SMOX: variants seen among roughly 807,000 people sequenced by gnomAD.
The protein encoded by SMOX is spermine oxidase.
Under a neutral mutation model 51.0 loss-of-function variants are expected in SMOX, and 22 were observed. That is an observed-to-expected ratio of 0.43 (90% confidence interval 0.31 to 0.62). The LOEUF (loss-of-function observed/expected upper bound fraction) is 0.62, where lower values mean the gene tolerates loss of function less well. Ranked by LOEUF, SMOX falls within the 20% of genes least tolerant of loss-of-function variation. The pLI, the probability that SMOX is intolerant of heterozygous loss-of-function variation, is 0.10. For missense variants in SMOX, 566 were observed against 777.7 expected, an observed-to-expected ratio of 0.73 and a Z score of 3.24; for synonymous variants, 282 against 307.8, an observed-to-expected ratio of 0.92 and a Z score of 0.88.
In SMOX at chr20:4,181,780, G is replaced by A; in HGVS notation, c.436-23G>A. The A allele has an allele frequency of 6.2e-7, 1 of 1,609,530 alleles. No homozygotes were observed. The highest frequency in any genetic ancestry group is 8.5e-7 in the Non-Finnish European group (1 of 1,177,474). Reference sequence around the variant, plus strand: ...ATGGAGGTGTGATGAGGTGTTTTCAGTCTCATGGGGTCTCTCTGGCAGGTC... The same window carrying A: ...ATGGAGGTGTGATGAGGTGTTTTCAATCTCATGGGGTCTCTCTGGCAGGTC... On this transcript the variant is annotated intron_variant, in intron 3 of 6. Coordinates refer to ENST00000305958, the MANE Select transcript of SMOX (RefSeq NM_175839.3). This position sits in a 1 kb window ranked among gnomAD's most constrained non-coding sequence, Gnocchi z 5.6.
Position 4,149,364 on chromosome 20 carries a change from A to G in SMOX, c.-27+387A>G, listed in dbSNP as rs1985610599. 6.6e-6 allele frequency among the ~76,000 whole-genome samples: 1 copy of G among 151,742 alleles called. No individual in the cohort carries two copies. Among genetic ancestry groups the G allele is most frequent in the African/African-American group, 2.4e-5 (1 of 41,336 alleles). On this transcript the variant is annotated intron_variant, in intron 1 of 6. Transcript: ENST00000305958. The surrounding 1 kb of genome is among the most constrained non-coding windows in gnomAD (Gnocchi z 6.0). Reference sequence around the variant, plus strand: ...CTGCAGGCGCGCTCCGTGGGCGCAGACAAAGCCGGGCGCGGACGCCCCGCG... The same window carrying G: ...CTGCAGGCGCGCTCCGTGGGCGCAGGCAAAGCCGGGCGCGGACGCCCCGCG...
In SMOX at chr20:4,153,030, T is replaced by C. The variant is rs771022774; in HGVS notation, c.-27+4053T>C. Among the ~76,000 whole-genome samples, 30 of 152,216 alleles carry C rather than the reference T, an allele frequency of 2.0e-4. No individual in the cohort carries two copies. Among genetic ancestry groups the C allele is most frequent in the Admixed American group, 5.9e-4 (9 of 15,288 alleles). ...CCGAGGGCTTCCTAAGAAGAGGCTT[T>C]TCCTGCCTCCCAGAGGTGCCTGGCC... On this transcript the variant is annotated intron_variant, in intron 1 of 6. Transcript: ENST00000305958. The surrounding 1 kb of genome is among the most constrained non-coding windows in gnomAD (Gnocchi z 4.4).
At chr20:4,185,478 G>A (rs1341555577) in intron 6 of SMOX, among the ~76,000 whole-genome samples, 3 of 142,218 alleles carry the variant, frequency 2.1e-5, no homozygotes, top group Non-Finnish European at 4.6e-5. Flanking sequence ...GCATGGTGGT[G>A]CACACCTGTA....
In SMOX at chr20:4,183,786, GT is replaced by G. The variant is rs1189555783; in HGVS notation, c.1530+133del. 12 of 1,014,906 alleles carry G rather than the reference GT, an allele frequency of 1.2e-5. No homozygotes were observed. Among genetic ancestry groups the G allele is most frequent in the Middle Eastern group, 3.3e-4 (1 of 3,062 alleles). The allele number at this position is 1,014,906 out of a possible 1,614,324, so 62.9% of individuals were successfully genotyped here. On this transcript the variant is annotated intron_variant, in intron 6 of 6. Coordinates refer to ENST00000305958, the MANE Select transcript of SMOX (RefSeq NM_175839.3). This position sits in a 1 kb window ranked among gnomAD's most constrained non-coding sequence, Gnocchi z 4.3. ...GTGAGGCAGGGATGGAGTAGCTTCTGTAATGAGAGAGAACACAAGGAAAAAA... is the reference window on the plus strand; with the variant it reads ...GTGAGGCAGGGATGGAGTAGCTTCTGAATGAGAGAGAACACAAGGAAAAAA...
intron 1 of SMOX, among the ~76,000 whole-genome samples, chr20:4,160,183 C>A (rs1986236930): frequency 6.6e-6 from 1 of 152,140 alleles, no homozygotes; most frequent in East Asian, 1.9e-4. Context: ...CCTGCAGGGA[C>A]CCCACTAAGC....
chr20:4,163,759 C>T (rs1292126524), intron 1 of SMOX, among the ~76,000 whole-genome samples: 1 of 152,132 alleles, frequency 6.6e-6, no homozygotes, highest in Non-Finnish European at 1.5e-5. Flanking sequence ...TGGGAGGGCT[C>T]AGTTCCGTGC....
At chr20:4,162,363 GGA>G (rs1337452176) in intron 1 of SMOX, among the ~76,000 whole-genome samples, 1 of 152,202 alleles carries the variant, frequency 6.6e-6, no homozygotes, top group Non-Finnish European at 1.5e-5. Flanking sequence ...GTGAGTTCCC[GGA>G]GAGAGAGAAA....
chr20:4,169,788 G>A (rs1006918315), intron 1 of SMOX, among the ~76,000 whole-genome samples: 3 of 152,138 alleles, frequency 2.0e-5, no homozygotes, highest in Non-Finnish European at 2.9e-5. Flanking sequence ...CACCCACCCC[G>A]AAATCACACA....
chr20:4,174,910 G>A, intron 1 of SMOX, 120 bp from the exon 2 acceptor site: 1 of 941,366 alleles, frequency 1.1e-6, no homozygotes, highest in Non-Finnish European at 1.6e-6. Flanking sequence ...GGAGGGAGAG[G>A]ACTCCAGGTC....
At position 4,177,298 on chromosome 20, in the gene SMOX, C is replaced by T; in HGVS notation, c.209-53C>T. ...AGGAAGGAGGGGGAAGCAGTGCTGG[C>T]CCTCTCTGGAGAAGTCCCTAAGCCT... On this transcript the variant is annotated intron_variant, in intron 2 of 6. Coordinates refer to ENST00000305958, the MANE Select transcript of SMOX (RefSeq NM_175839.3). This position sits in a 1 kb window ranked among gnomAD's most constrained non-coding sequence, Gnocchi z 4.3. 2 of 1,465,220 alleles carry T rather than the reference C, an allele frequency of 1.4e-6. No homozygotes were observed. The highest frequency in any genetic ancestry group is 2.4e-5 in the South Asian group (2 of 81,786). 90.8% of individuals were successfully genotyped at this position (1,465,220 alleles called of 1,614,324 possible).
At chr20:4,171,856 C>T (rs1430403748) in intron 1 of SMOX, 4 of 152,258 alleles carry the variant, frequency 2.6e-5, no homozygotes, top group Non-Finnish European at 5.9e-5. Flanking sequence ...AAAATGTTGA[C>T]AGTCTTGTGA....
At chr20:4,161,096 C>T (rs1301968476) in intron 1 of SMOX, among the ~76,000 whole-genome samples, 1 of 152,210 alleles carries the variant, frequency 6.6e-6, no homozygotes, top group Admixed American at 6.5e-5. Context: ...TCTCCTTCAC[C>T]CCAGAATTGT....
chr20:4,163,021 C>T (rs952489829), intron 1 of SMOX, among the ~76,000 whole-genome samples: 3 of 152,146 alleles, frequency 2.0e-5, no homozygotes, highest in Non-Finnish European at 2.9e-5. Context: ...TGGGCAGCAG[C>T]GGGGTGGAGG....
rs983903201 is a variant in SMOX, at chr20:4,172,028, G to A, written c.-26-3002G>A. On this transcript the variant is annotated intron_variant, in intron 1 of 6. Transcript: ENST00000305958. This position sits in a 1 kb window ranked among gnomAD's most constrained non-coding sequence, Gnocchi z 7.7. ...GCTTCCCAACGCTGGAGCTTATCTGGTCCCCTGGTTTTCAGAGGTGGTGCT... is the reference window on the plus strand; with the variant it reads ...GCTTCCCAACGCTGGAGCTTATCTGATCCCCTGGTTTTCAGAGGTGGTGCT... 2 of 152,446 alleles carry A rather than the reference G, an allele frequency of 1.3e-5. No individual in the cohort carries two copies. Among genetic ancestry groups the A allele is most frequent in the Admixed American group, 1.3e-4 (2 of 15,288 alleles). The allele number at this position is 152,446 out of a possible 1,614,324, so 9.4% of individuals were successfully genotyped here. A position where few individuals can be genotyped will look rare whatever the true frequency, so the allele number is the denominator to read the frequency against.
intron 1 of SMOX, among the ~76,000 whole-genome samples, chr20:4,162,281 G>A (rs957405508): frequency 1.3e-5 from 2 of 152,246 alleles, no homozygotes; most frequent in African/African-American, 4.8e-5. Flanking sequence ...GGGGTGAGGC[G>A]GCTGCCACAG....
At chr20:4,185,289 T>G (rs1013455121) in intron 6 of SMOX, among the ~76,000 whole-genome samples, 1 of 152,044 alleles carries the variant, frequency 6.6e-6, no homozygotes, top group African/African-American at 2.4e-5. Flanking sequence ...TGACACAGTA[T>G]ACAACACCCC....
intron 1 of SMOX, among the ~76,000 whole-genome samples, chr20:4,174,042 G>T (rs572517437): frequency 3.3e-5 from 5 of 152,358 alleles, no homozygotes; most frequent in Admixed American, 2.0e-4. Context: ...TGTTTCCTGG[G>T]CTCCTTGCTG....
At chr20:4,174,379 G>A (rs1978659930) in intron 1 of SMOX, among the ~76,000 whole-genome samples, 1 of 151,916 alleles carries the variant, frequency 6.6e-6, no homozygotes, top group Admixed American at 6.6e-5. Context: ...AAGTATCTTC[G>A]GGTCCAGGCA....
At chr20:4,158,908 G>C (rs777124666) in intron 1 of SMOX, among the ~76,000 whole-genome samples, 7 of 151,814 alleles carry the variant, frequency 4.6e-5, no homozygotes, top group Non-Finnish European at 1.0e-4. Flanking sequence ...ACTCAAGCAG[G>C]AGACACCCAG....
Sources: gnomAD v4.1 joint callset for allele counts (sites outside exome capture counted in the v4.1 genomes callset) on GRCh38, gnomAD v4.1.1 for gene constraint, Gnocchi (gnomAD v3.1) non-coding constraint, MANE v1.5 for transcripts, NCBI Gene and HGNC (gene_info 2026-07-23, HGNC 2026-07-21) for gene names.